The following LPP variants were observed in gnomAD, a reference collection of about 807,000 sequenced individuals.
LPP encodes the protein lipoma-preferred partner.
Under a neutral mutation model 60.4 loss-of-function variants are expected in LPP, and 38 were observed. That is an observed-to-expected ratio of 0.63 (90% CI 0.49 to 0.83). LPP has a LOEUF of 0.83. Ranked by LOEUF, LPP falls within the 40% of genes least tolerant of loss-of-function variation. The pLI, the probability that LPP is intolerant of heterozygous loss-of-function variation, is 0.00. For missense variants in LPP, 902 were observed against 783.6 expected, an observed-to-expected ratio of 1.15 and a Z score of -1.80; for synonymous variants, 328 against 290.8, an observed-to-expected ratio of 1.13 and a Z score of -1.30.
intron 1 of LPP, among the ~76,000 whole-genome samples, chr3:188,214,041 A>G (rs1452817784): frequency 6.6e-6 from 1 of 150,742 alleles, no homozygotes; most frequent in Non-Finnish European, 1.5e-5. Flanking sequence ...CCCAGAAGAC[A>G]CCGACCTATT....
intron 6 of LPP, among the ~76,000 whole-genome samples, chr3:188,546,285 C>T (rs1190525124): frequency 6.6e-6 from 1 of 152,162 alleles, no homozygotes; most frequent in Non-Finnish European, 1.5e-5. Flanking sequence ...ATGTTGTTAT[C>T]TGTTTTTATG....
At chr3:188,544,343 T>C (rs1188920172) in intron 6 of LPP, among the ~76,000 whole-genome samples, 1 of 152,244 alleles carries the variant, frequency 6.6e-6, no homozygotes, top group African/African-American at 2.4e-5. Flanking sequence ...AAGCTTGATA[T>C]ATGGTTACCC....
rs537806400 is a variant in LPP at position 188,494,030 on chromosome 3, A to T, written c.306+9326A>T. On this transcript the variant is annotated intron_variant, in intron 5 of 11. Transcript: ENST00000617246. Reference sequence around the variant, plus strand: ...TGGATATCTGTTGTTCAGGGTAGCTAGCTTGCACTTAAACCTTTATCTTTT... The same window carrying T: ...TGGATATCTGTTGTTCAGGGTAGCTTGCTTGCACTTAAACCTTTATCTTTT... Among the ~76,000 whole-genome samples the T allele has an allele frequency of 2.0e-5, 3 of 152,298 alleles. No individual in the cohort carries two copies. The East Asian group carries it at 5.8e-4, about 29-fold the overall frequency.
intron 1 of LPP, among the ~76,000 whole-genome samples, chr3:188,218,615 C>T (rs2149266312): frequency 6.6e-6 from 1 of 152,174 alleles, no homozygotes; most frequent in Admixed American, 6.5e-5. Flanking sequence ...CAAGTTTCTT[C>T]TAAAATTTCT....
intron 5 of LPP, among the ~76,000 whole-genome samples, chr3:188,495,064 T>TTTTATATATATA (rs1430620373): frequency 9.3e-5 from 5 of 53,880 alleles, no homozygotes; most frequent in African/African-American, 3.5e-4. Flanking sequence ...GTTCAGGATT[T>TTTTATATATATA]TATATATATA....
chr3:188,514,401 C>A (rs1271956529), intron 5 of LPP, among the ~76,000 whole-genome samples: 1 of 151,856 alleles, frequency 6.6e-6, no homozygotes, highest in Non-Finnish European at 1.5e-5. Flanking sequence ...TTGATCACAG[C>A]CATAGCTCAT....
At chr3:188,169,652 G>A (rs931288723) in intron 1 of LPP, among the ~76,000 whole-genome samples, 1 of 152,118 alleles carries the variant, frequency 6.6e-6, no homozygotes, top group African/African-American at 2.4e-5. Context: ...CTGACCTCCC[G>A]GAAGGTTTGT....
At chr3:188,545,364 A>G (rs1044345488) in intron 6 of LPP, among the ~76,000 whole-genome samples, 11 of 151,696 alleles carry the variant, frequency 7.3e-5, no homozygotes, top group African/African-American at 2.7e-4. Flanking sequence ...TTGAGGCAAA[A>G]CAAGCACTCC....
At chr3:188,569,003 A>T (rs1391503464) in intron 6 of LPP, 1 of 151,840 alleles carries the variant, frequency 6.6e-6, no homozygotes, top group Non-Finnish European at 1.5e-5. Context: ...GTCACAAAGG[A>T]TGTACAGGAG....
intron 7 of LPP, among the ~76,000 whole-genome samples, chr3:188,632,290 A>G (rs1847973539): frequency 6.6e-6 from 1 of 152,168 alleles, no homozygotes; most frequent in African/African-American, 2.4e-5. Flanking sequence ...AAAATCTACT[A>G]GCTATCCTGG....
At chr3:188,316,000 G>A (rs574111802) in intron 2 of LPP, among the ~76,000 whole-genome samples, 16 of 152,316 alleles carry the variant, frequency 1.1e-4, no homozygotes, top group Middle Eastern at 3.4e-3. Context: ...CTGTCTGGGC[G>A]CGGTGGCTTA....
At chr3:188,421,224 G>A (rs1787711490) in intron 4 of LPP, among the ~76,000 whole-genome samples, 1 of 152,080 alleles carries the variant, frequency 6.6e-6, no homozygotes, top group African/African-American at 2.4e-5. Context: ...TCTTTTACGT[G>A]AATTTAAAAT....
rs1466624115 is a variant in LPP at position 188,328,378 on chromosome 3, C to T, written c.-66-13285C>T. ...CATTTCATTCTATAATATAAAAAGT[C>T]ATCTTCATTAATATCACTGCTCATT... On this transcript the variant is annotated intron_variant, in intron 2 of 11. Coordinates refer to ENST00000617246, the MANE Select transcript of LPP (RefSeq NM_001375462.1). 3.3e-5 allele frequency among the ~76,000 whole-genome samples: 5 copies of T among 152,218 alleles called. No individual in the cohort carries two copies. The East Asian group carries it at 9.6e-4, about 29-fold the overall frequency.
At chr3:188,441,034 G>GTC (rs1793680286) in intron 4 of LPP, among the ~76,000 whole-genome samples, 1 of 151,570 alleles carries the variant, frequency 6.6e-6, no homozygotes, top group Admixed American at 6.6e-5. Flanking sequence ...ATATGTGTGT[G>GTC]TGTGTGTGTG....
In LPP at chr3:188,663,014, A is replaced by AATGG. The variant is rs1335128015; in HGVS notation, c.1114-45251_1114-45248dup. Among the ~76,000 whole-genome samples, 8 of 152,264 alleles carry AATGG rather than the reference A, an allele frequency of 5.3e-5. No individual in the cohort carries two copies. The East Asian group carries it at 1.5e-3, about 29-fold the overall frequency. ...CTGAATTTAATGAACTTCTGAACTG[A>AATGG]ATGGAATGCATCTAATTGACAAACT... On this transcript the variant is annotated intron_variant, in intron 7 of 11. Coordinates refer to ENST00000617246, the MANE Select transcript of LPP (RefSeq NM_001375462.1).
intron 1 of LPP, among the ~76,000 whole-genome samples, chr3:188,203,476 TA>T (rs1400841636): frequency 1.1e-5 from 1 of 90,596 alleles, no homozygotes; most frequent in Non-Finnish European, 1.9e-5. Context: ...TATTTTTAAA[TA>T]TATATATATT....
rs141973284 is a variant in LPP at position 188,776,485 on chromosome 3, T to TA, written c.1410+16210dup. On this transcript the variant is annotated intron_variant, in intron 9 of 11. Transcript: ENST00000617246. ...GCAGAAAATTTGGGGCTGGGAGAGG[T>TA]AAAAAAATACCTTCAGGATAACAGG... Among the ~76,000 whole-genome samples the TA allele has an allele frequency of 1.4e-3, 215 of 151,930 alleles. 1 individual carries two copies. In the Middle Eastern group the frequency reaches 0.027, roughly 19 times the overall value.
intron 8 of LPP, among the ~76,000 whole-genome samples, chr3:188,723,763 A>T (rs1406975561): frequency 6.6e-6 from 1 of 152,194 alleles, no homozygotes; most frequent in Non-Finnish European, 1.5e-5. Context: ...CCAGGAAAAA[A>T]ACTCTAATTC....
At chr3:188,436,221 A>G (rs1196426680) in intron 4 of LPP, among the ~76,000 whole-genome samples, 1 of 152,192 alleles carries the variant, frequency 6.6e-6, no homozygotes, top group Admixed American at 6.5e-5. Flanking sequence ...TGATACCAAT[A>G]CCAGAATAAC....
Sources: allele counts gnomAD v4.1 joint callset (sites outside exome capture counted in the v4.1 genomes callset), GRCh38; gene constraint gnomAD v4.1.1; transcripts MANE v1.5; gene names NCBI Gene and HGNC (gene_info 2026-07-23, HGNC 2026-07-21).